LRRC7: variants seen among roughly 807,000 people sequenced by gnomAD.
The protein encoded by LRRC7 is leucine rich repeat containing 7, also known as leucine-rich repeat-containing protein 7.
A neutral mutation model predicts 175.7 loss-of-function variants in LRRC7; 23 were observed. That is an observed-to-expected ratio of 0.13 (90% CI 0.09 to 0.19). The LOEUF is 0.19. Ranked by LOEUF, LRRC7 falls within the 10% of genes least tolerant of loss-of-function variation. The pLI is 1.00. For synonymous variants in LRRC7, 685 were observed against 680.9 expected, an observed-to-expected ratio of 1.01 and a Z score of -0.09; for missense variants, 1,354 against 1,904.7, an observed-to-expected ratio of 0.71 and a Z score of 5.38.
chr1:70,063,703 T>C (rs1388996513), intron 23 of LRRC7, among the ~76,000 whole-genome samples: 1 of 152,068 alleles, frequency 6.6e-6, no homozygotes, highest in Non-Finnish European at 1.5e-5. Flanking sequence ...CTTTTATCGT[T>C]ACTCTTAACA....
At chr1:69,675,460 C>T (rs1353873751) in intron 1 of LRRC7, among the ~76,000 whole-genome samples, 1 of 152,154 alleles carries the variant, frequency 6.6e-6, no homozygotes, top group Non-Finnish European at 1.5e-5. Context: ...ACCAACATAA[C>T]TTGTCATTCC....
chr1:69,738,897 G>A (rs1038897252), intron 2 of LRRC7, among the ~76,000 whole-genome samples: 1 of 152,070 alleles, frequency 6.6e-6, no homozygotes, highest in African/African-American at 2.4e-5. Flanking sequence ...ACTCTTTACA[G>A]CTTGGAAACA....
intron 7 of LRRC7, among the ~76,000 whole-genome samples, chr1:69,880,820 C>T (rs1390826797): frequency 6.6e-6 from 1 of 152,076 alleles, no homozygotes; most frequent in South Asian, 2.1e-4. Context: ...TAAATCAGGG[C>T]TTTACTCTGT....
chr1:69,824,593 A>G (rs891287134), intron 4 of LRRC7, among the ~76,000 whole-genome samples: 1 of 152,016 alleles, frequency 6.6e-6, no homozygotes, highest in African/African-American at 2.4e-5. Context: ...TTGTACCCCT[A>G]TTTGGCAGTG....
intron 2 of LRRC7, among the ~76,000 whole-genome samples, chr1:69,744,021 A>G (rs969212814): frequency 6.6e-6 from 1 of 151,546 alleles, no homozygotes; most frequent in African/African-American, 2.4e-5. Flanking sequence ...GTCTATTGTA[A>G]TTTTTTACCA....
intron 7 of LRRC7, among the ~76,000 whole-genome samples, chr1:69,885,485 T>C (rs1454281667): frequency 1.4e-5 from 2 of 143,354 alleles, no homozygotes; most frequent in African/African-American, 5.6e-5. Context: ...TTTTTTACTG[T>C]GTCTATTTGA....
intron 23 of LRRC7, among the ~76,000 whole-genome samples, chr1:70,066,124 C>G (rs1348490558): frequency 1.3e-5 from 2 of 152,070 alleles, no homozygotes; most frequent in Non-Finnish European, 2.9e-5. Context: ...TATGGCCAGA[C>G]AGTTAGACCT....
At chr1:69,652,709 T>A (rs993857907) in intron 1 of LRRC7, among the ~76,000 whole-genome samples, 39 of 151,844 alleles carry the variant, frequency 2.6e-4, no homozygotes, top group East Asian at 1.9e-4. Context: ...AAAAAAAAAA[T>A]AATAATAACC....
intron 8 of LRRC7, among the ~76,000 whole-genome samples, chr1:69,932,398 G>T (rs1647478293): frequency 6.6e-6 from 1 of 152,114 alleles, no homozygotes; most frequent in Non-Finnish European, 1.5e-5. Context: ...ATAAAATAGG[G>T]ATTATAATGT....
chr1:69,670,981 G>C (rs577784509), intron 1 of LRRC7, among the ~76,000 whole-genome samples: 9 of 152,268 alleles, frequency 5.9e-5, no homozygotes, highest in Non-Finnish European at 1.2e-4. Context: ...GGGGACCCCA[G>C]GAGCCTGCTT....
At position 69,657,027 on chromosome 1, in the gene LRRC7, A is replaced by G. The variant is rs572970385; in HGVS notation, c.3-21354A>G. ...AGGAAAGGACAAGACATAAATATTT[A>G]ATGAGAAGCAAAACATTATAATGTT... On this transcript the variant is annotated intron_variant, in intron 1 of 26. Coordinates refer to ENST00000651989, the MANE Select transcript of LRRC7 (RefSeq NM_001370785.2). Among the ~76,000 whole-genome samples the G allele has an allele frequency of 7.2e-5, 11 of 152,032 alleles. No individual in the cohort carries two copies. The South Asian group carries it at 2.3e-3, about 32-fold the overall frequency.
intron 2 of LRRC7, among the ~76,000 whole-genome samples, chr1:69,759,918 T>G (rs893378336): frequency 6.6e-6 from 1 of 152,056 alleles, no homozygotes; most frequent in East Asian, 1.9e-4. Flanking sequence ...TGTATCCTAA[T>G]TCGATTCTGC....
At chr1:70,088,015 T>G (rs1663741709) in intron 24 of LRRC7, among the ~76,000 whole-genome samples, 1 of 151,916 alleles carries the variant, frequency 6.6e-6, no homozygotes, top group Non-Finnish European at 1.5e-5. Context: ...ATGTAAAGAG[T>G]GTTTTGGGCA....
At chr1:69,973,360 A>G (rs1652466180) in intron 8 of LRRC7, among the ~76,000 whole-genome samples, 1 of 152,036 alleles carries the variant, frequency 6.6e-6, no homozygotes, top group African/African-American at 2.4e-5. Flanking sequence ...TGATGGGTGC[A>G]CCAAAATCTC....
At chr1:69,924,579 C>T (rs960107283) in intron 7 of LRRC7, among the ~76,000 whole-genome samples, 1 of 152,130 alleles carries the variant, frequency 6.6e-6, no homozygotes, top group African/African-American at 2.4e-5. Context: ...TGGGAGTTCA[C>T]TCATGATTTG....
chr1:69,908,956 G>A (rs1451641110), intron 7 of LRRC7, among the ~76,000 whole-genome samples: 1 of 151,994 alleles, frequency 6.6e-6, no homozygotes, highest in Non-Finnish European at 1.5e-5. Context: ...GGGTGCTCCT[G>A]TATCGGGTGC....
chr1:69,948,072 A>G (rs564341741), intron 8 of LRRC7, among the ~76,000 whole-genome samples: 1 of 152,254 alleles, frequency 6.6e-6, no homozygotes, highest in Admixed American at 6.6e-5. Context: ...GGGGTGACTC[A>G]CATCCCAGGA....
intron 1 of LRRC7, among the ~76,000 whole-genome samples, chr1:69,577,401 A>G (rs1413243485): frequency 6.6e-6 from 1 of 152,126 alleles, no homozygotes; most frequent in East Asian, 1.9e-4. Flanking sequence ...CCATTTGTCA[A>G]TTTTGGCTTT....
intron 1 of LRRC7, among the ~76,000 whole-genome samples, chr1:69,670,665 C>A (rs889684417): frequency 6.6e-6 from 1 of 152,150 alleles, no homozygotes; most frequent in Non-Finnish European, 1.5e-5. Context: ...GAATCAAAAA[C>A]CTTAGGAGTA....
Sources: allele counts gnomAD v4.1 joint callset (sites outside exome capture counted in the v4.1 genomes callset), GRCh38; gene constraint gnomAD v4.1.1; transcripts MANE v1.5; gene names NCBI Gene and HGNC (gene_info 2026-07-23, HGNC 2026-07-21).